Variants in IQSEC1 observed in about 807,000 individuals in gnomAD.
IQSEC1 encodes the protein IQ motif and Sec7 domain ArfGEF 1.
In IQSEC1, 31 loss-of-function variants were observed where a neutral mutation model predicts 91.0. The ratio of observed to expected loss-of-function variants is 0.34; its 90% CI spans 0.26 to 0.46. IQSEC1 has a LOEUF of 0.46. Among genes scored for constraint, IQSEC1 ranks in the 20% least tolerant of loss-of-function variants. IQSEC1 has a pLI of 1.00. For missense variants in IQSEC1, 1,388 were observed against 1,575.6 expected (o/e 0.88, Z 2.02); for synonymous variants, 699 against 662.6 (o/e 1.05, Z -0.84).
rs1694005358 is a variant in IQSEC1, at chr3:12,899,509, G to A, written c.*1474C>T. The A allele has an allele frequency of 1.3e-6, 2 of 1,560,276 alleles. No homozygotes were observed. Among genetic ancestry groups the A allele is most frequent in the Non-Finnish European group, 1.7e-6 (2 of 1,150,020 alleles). On this transcript the variant is annotated 3_prime_UTR_variant, in exon 14 of 14. Coordinates refer to ENST00000613206, the MANE Select transcript of IQSEC1 (RefSeq NM_001134382.3). The stretch of plus-strand genomic sequence containing the variant: ...GGTCTGGCCCTGGGGAGCGCATGGT[G>A]TCACCACAACACAGAAGCGACAAGA...
chr3:13,078,511 A>G (rs1034407056), intron 2 of IQSEC1, among the ~76,000 whole-genome samples: 1 of 151,940 alleles, frequency 6.6e-6, no homozygotes, highest in Non-Finnish European at 1.5e-5. Context: ...CTGGGGGGGA[A>G]GGCCAGGAGC....
At chr3:13,239,401 T>C (rs1576306541) in intron 1 of IQSEC1, among the ~76,000 whole-genome samples, 1 of 152,206 alleles carries the variant, frequency 6.6e-6, no homozygotes, top group Non-Finnish European at 1.5e-5. Flanking sequence ...CCGCCGGGCG[T>C]GGTCCTCACC....
chr3:13,206,808 C>T (rs1272794667), intron 1 of IQSEC1, among the ~76,000 whole-genome samples: 1 of 152,054 alleles, frequency 6.6e-6, no homozygotes, highest in Non-Finnish European at 1.5e-5. Context: ...TTGTGTATTG[C>T]TATCATAAAT....
In IQSEC1 at chr3:13,214,876, C is replaced by T. The variant is rs941020563; in HGVS notation, c.273-50743G>A. ...TGCAGCTGAGCGCCAGGACCGACGT[C>T]GGGCTCTGCTGAGCACTAGCCGAAT... On this transcript the variant is annotated intron_variant, in intron 1 of 15. Coordinates refer to the IQSEC1 transcript ENST00000648114. This position sits in a 1 kb window ranked among gnomAD's most constrained non-coding sequence, Gnocchi z 4.5. 2.0e-5 allele frequency among the ~76,000 whole-genome samples: 3 copies of T among 152,232 alleles called. No homozygotes were observed. Among genetic ancestry groups the T allele is most frequent in the Admixed American group, 1.3e-4 (2 of 15,290 alleles).
rs919473672 is a variant in IQSEC1 at position 13,103,478 on chromosome 3, C to G, written c.303-55956G>C. ...TCACCATCCTCAGTCACTGGAAGAGCTGGCCGTGCTGCCTGGATGCCATCC... is the reference window on the plus strand; with the variant it reads ...TCACCATCCTCAGTCACTGGAAGAGGTGGCCGTGCTGCCTGGATGCCATCC... On this transcript the variant is annotated intron_variant, in intron 2 of 15. Transcript: ENST00000648114. The surrounding 1 kb of genome is among the most constrained non-coding windows in gnomAD (Gnocchi z 4.1). Among the ~76,000 whole-genome samples the G allele has an allele frequency of 6.6e-6, 1 of 151,994 alleles. No individual in the cohort carries two copies. Among genetic ancestry groups the G allele is most frequent in the Non-Finnish European group, 1.5e-5 (1 of 68,016 alleles).
intron 1 of IQSEC1, among the ~76,000 whole-genome samples, chr3:13,184,819 G>A (rs1693903541): frequency 6.6e-6 from 1 of 152,212 alleles, no homozygotes; most frequent in African/African-American, 2.4e-5. Flanking sequence ...GTTGGGAATT[G>A]AAGTGAAAAA....
Position 12,907,981 on chromosome 3 carries a change from G to A in IQSEC1, c.2755+368C>T, listed in dbSNP as rs544022653. On this transcript the variant is annotated intron_variant, in intron 12 of 13. Coordinates refer to ENST00000613206, the MANE Select transcript of IQSEC1 (RefSeq NM_001134382.3). The stretch of plus-strand genomic sequence containing the variant: ...GCGCAAGTTCATTCATCAGCATGAA[G>A]CACAGGGACGCGGCCGCACAGAGAG... Among the ~76,000 whole-genome samples, 3 of 152,292 alleles carry A rather than the reference G, an allele frequency of 2.0e-5. No homozygotes were observed. In the East Asian group the frequency reaches 5.8e-4, roughly 29 times the overall value.
chr3:13,233,753 G>A (rs1335366680), intron 1 of IQSEC1, among the ~76,000 whole-genome samples: 1 of 152,170 alleles, frequency 6.6e-6, no homozygotes, highest in African/African-American at 2.4e-5. Flanking sequence ...CAGGTCCAGA[G>A]GTGCTGAACT....
chr3:12,941,997 G>A, intron 1 of IQSEC1, 132 bp from the exon 2 acceptor site: 3 of 811,924 alleles, frequency 3.7e-6, no homozygotes, highest in African/African-American at 1.7e-5. Context: ...CCATGGCTGA[G>A]TCCACATGTG....
At chr3:12,963,132 A>G (rs1328479953) in intron 1 of IQSEC1, among the ~76,000 whole-genome samples, 1 of 152,228 alleles carries the variant, frequency 6.6e-6, no homozygotes, top group Admixed American at 6.5e-5. Context: ...ATTACTACTG[A>G]GCTTTGAACA....
chr3:13,202,155 C>A (rs997513449), intron 1 of IQSEC1, among the ~76,000 whole-genome samples: 2 of 152,160 alleles, frequency 1.3e-5, no homozygotes, highest in Admixed American at 1.3e-4. Flanking sequence ...CAGATGCTAA[C>A]AATTGTTGCA....
intron 2 of IQSEC1, among the ~76,000 whole-genome samples, chr3:13,132,030 T>G (rs1311716875): frequency 6.6e-6 from 1 of 152,232 alleles, no homozygotes; most frequent in Non-Finnish European, 1.5e-5. Flanking sequence ...TTTATGTGGG[T>G]AATATTTTCT....
At chr3:13,194,024 C>A (rs1209696044) in intron 1 of IQSEC1, among the ~76,000 whole-genome samples, 1 of 152,194 alleles carries the variant, frequency 6.6e-6, no homozygotes, top group African/African-American at 2.4e-5. Flanking sequence ...AGCCCCCTTT[C>A]CTGAGTCTCT....
intron 2 of IQSEC1, among the ~76,000 whole-genome samples, chr3:13,084,374 C>G (rs969351480): frequency 6.6e-6 from 1 of 152,208 alleles, no homozygotes; most frequent in Non-Finnish European, 1.5e-5. Context: ...TCCGGATGCT[C>G]TTTCTGGCCT....
chr3:12,974,117 G>A (rs1416862151), intron 1 of IQSEC1, among the ~76,000 whole-genome samples: 1 of 152,228 alleles, frequency 6.6e-6, no homozygotes, highest in East Asian at 1.9e-4. Flanking sequence ...CTAGGCCACA[G>A]TGTCCCCCGC....
At chr3:13,185,857 G>A (rs1693922052) in intron 1 of IQSEC1, among the ~76,000 whole-genome samples, 1 of 152,262 alleles carries the variant, frequency 6.6e-6, no homozygotes, top group South Asian at 2.1e-4. Flanking sequence ...GATGCCACTG[G>A]CTGGCCCACT....
At chr3:13,158,728 G>A (rs571680200) in intron 2 of IQSEC1, among the ~76,000 whole-genome samples, 5 of 152,240 alleles carry the variant, frequency 3.3e-5, no homozygotes, top group East Asian at 3.9e-4. Flanking sequence ...TTAGGAGTCC[G>A]AGACAGGCAG....
chr3:13,130,214 C>T (rs989835634), intron 2 of IQSEC1, among the ~76,000 whole-genome samples: 14 of 151,106 alleles, frequency 9.3e-5, no homozygotes, highest in African/African-American at 2.2e-4. Context: ...TGTGGTGGCG[C>T]GCGCCTGTAC....
At chr3:13,149,015 A>G (rs9826607) in intron 2 of IQSEC1, among the ~76,000 whole-genome samples, 88,278 of 152,134 alleles carry the variant, frequency 0.58, 25,692 homozygotes, top group South Asian at 0.62. Flanking sequence ...GGAAGGCAGC[A>G]TCCCCTGTCA....
Sources: gnomAD v4.1 joint callset for allele counts (sites outside exome capture counted in the v4.1 genomes callset) on GRCh38, gnomAD v4.1.1 for gene constraint, Gnocchi (gnomAD v3.1) non-coding constraint, MANE v1.5 for transcripts, NCBI Gene and HGNC (gene_info 2026-07-23, HGNC 2026-07-21) for gene names.